SLC17A6: variants seen among roughly 807,000 people sequenced by gnomAD.
SLC17A6 encodes the protein vesicular glutamate transporter 2.
A neutral mutation model predicts 67.1 loss-of-function variants in SLC17A6; 35 were observed. The ratio of observed to expected loss-of-function variants is 0.52; its 90% CI spans 0.40 to 0.69. SLC17A6 has a LOEUF of 0.69. Ranked by LOEUF, SLC17A6 falls within the 30% of genes least tolerant of loss-of-function variation. The probability of loss-of-function intolerance (pLI) is 0.00; values close to 1 mark genes in which losing one functional copy is unlikely to be tolerated. For synonymous variants in SLC17A6, 285 were observed against 252.3 expected, an observed-to-expected ratio of 1.13 and a Z score of -1.23; for missense variants, 588 against 723.9, an observed-to-expected ratio of 0.81 and a Z score of 2.15.
intron 3 of SLC17A6, among the ~76,000 whole-genome samples, chr11:22,351,519 A>G (rs74892622): frequency 0.024 from 3,652 of 152,266 alleles, 58 homozygotes; most frequent in South Asian, 0.063. Context: ...TTTCCCCGAT[A>G]CACTAGATGG....
chr11:22,377,622 A>C lies in SLC17A6; in HGVS notation c.1631A>C (p.Tyr544Ser). The change falls in exon 12 of 12, where the codon TAT (tyrosine) becomes TCT (serine). Residue 544 changes from tyrosine (Y) to serine (S), a missense_variant. By Grantham distance (144) the Tyr-to-Ser change is moderately radical. This residue lies in a region of SLC17A6 where 414 missense variants were observed against 563.4 expected (regional missense o/e 0.73). Coordinates refer to ENST00000263160, the MANE Select transcript of SLC17A6 (RefSeq NM_020346.3). ...NYINYGTTKS[Y>S]GATTQANGGW... ...ATAAATTATGGTACCACCAAGTCTTATGGTGCCACAACACAGGCCAATGGA... is the reference window on the plus strand; with the variant it reads ...ATAAATTATGGTACCACCAAGTCTTCTGGTGCCACAACACAGGCCAATGGA... The C allele has an allele frequency of 6.2e-7, 1 of 1,614,154 alleles. No homozygotes were observed. Among genetic ancestry groups the C allele is most frequent in the Non-Finnish European group, 8.5e-7 (1 of 1,179,994 alleles).
chr11:22,346,554 C>A (rs865797269), intron 3 of SLC17A6, among the ~76,000 whole-genome samples: 1 of 151,884 alleles, frequency 6.6e-6, no homozygotes, highest in Non-Finnish European at 1.5e-5. Context: ...AATTTAGTCA[C>A]CTCCAGGAAA....
chr11:22,343,133 G>A, intron 2 of SLC17A6, 114 bp from the exon 3 acceptor site: 1 of 848,992 alleles, frequency 1.2e-6, no homozygotes, highest in Non-Finnish European at 2.0e-6. Context: ...CTTATCCCCA[G>A]AATGCATGAA....
chr11:22,354,528 A>G (rs1855976999), intron 3 of SLC17A6, among the ~76,000 whole-genome samples: 1 of 152,206 alleles, frequency 6.6e-6, no homozygotes, highest in Admixed American at 6.5e-5. Context: ...CATAAGAGAG[A>G]TGGGGTAGAA....
intron 7 of SLC17A6, among the ~76,000 whole-genome samples, chr11:22,366,667 G>A (rs780045841): frequency 3.3e-5 from 5 of 152,106 alleles, no homozygotes; most frequent in Non-Finnish European, 7.4e-5. Context: ...ATTGTACATA[G>A]TAATTAATAC....
intron 3 of SLC17A6, among the ~76,000 whole-genome samples, chr11:22,347,749 T>C (rs1396623044): frequency 2.0e-5 from 3 of 152,202 alleles, no homozygotes; most frequent in Non-Finnish European, 4.4e-5. Flanking sequence ...AAAATATTTT[T>C]AGCCAAGTGT....
chr11:22,341,518 TGCC>T lies in SLC17A6; in HGVS notation c.87-7_87-5del, dbSNP rs781291162. The T allele has an allele frequency of 6.2e-7, 1 of 1,611,846 alleles. No individual in the cohort carries two copies. Among genetic ancestry groups the T allele is most frequent in the South Asian group, 1.1e-5 (1 of 91,030 alleles). ...CCAAGTCCTTGACTCGCCCCTGCTC[TGCC>T]GCGCAGGGTGCTGGAGAAGAAGCAA... is the stretch of plus-strand genomic sequence containing the variant. On this transcript the variant is annotated splice_polypyrimidine_tract_variant and splice_region_variant and intron_variant, in intron 1 of 11. Transcript: ENST00000263160.
At chr11:22,359,232 T>A (rs570491180) in intron 3 of SLC17A6, among the ~76,000 whole-genome samples, 181 bp from the exon 4 acceptor site, 2 of 152,340 alleles carry the variant, frequency 1.3e-5, no homozygotes, top group African/African-American at 4.8e-5. Context: ...AGATGGCCCA[T>A]GTATATATTC....
intron 9 of SLC17A6, 51 bp downstream of exon 9, chr11:22,374,938 C>G (rs1244176329): frequency 1.3e-6 from 2 of 1,504,004 alleles, no homozygotes; most frequent in South Asian, 2.7e-5. Flanking sequence ...ATCAGTTTAA[C>G]CTACATGAGA....
chr11:22,344,971 T>C (rs1269791480), intron 3 of SLC17A6, among the ~76,000 whole-genome samples: 1 of 151,938 alleles, frequency 6.6e-6, no homozygotes, highest in Non-Finnish European at 1.5e-5. Context: ...ATGTTTTCAC[T>C]GCAGGAGAAA....
intron 1 of SLC17A6, among the ~76,000 whole-genome samples, chr11:22,341,099 T>C (rs757311987): frequency 1.3e-4 from 20 of 152,156 alleles, no homozygotes; most frequent in African/African-American, 3.6e-4. Flanking sequence ...ACCGCGGTAG[T>C]CAGGGTAAAG....
chr11:22,340,588 T>C (rs1367759262), intron 1 of SLC17A6, among the ~76,000 whole-genome samples: 1 of 152,188 alleles, frequency 6.6e-6, no homozygotes, highest in Non-Finnish European at 1.5e-5. Context: ...CCTTTGTATA[T>C]CTGGGAGTCG....
Position 22,365,627 on chromosome 11 carries a change from G to A in SLC17A6, c.829G>A (p.Glu277Lys), listed in dbSNP as rs1856103068. 1 of 1,613,824 alleles carries A rather than the reference G, an allele frequency of 6.2e-7. No homozygotes were observed. Among genetic ancestry groups the A allele is most frequent in the South Asian group, 1.1e-5 (1 of 91,068 alleles). The change falls in exon 7 of 12, where the codon GAA (glutamate) becomes AAA (lysine). Residue 277 changes from glutamate to lysine, a missense_variant. Glu to Lys is a moderately conservative substitution (Grantham distance 56, BLOSUM62 1). Transcript: ENST00000263160. ...SPAKHPTITD[E>K]ERRYIEESIG... Reference sequence around the variant, plus strand: ...TGCAAAGCATCCTACTATTACAGATGAAGAACGTAGGTACATAGAAGAAAG... The same window carrying A: ...TGCAAAGCATCCTACTATTACAGATAAAGAACGTAGGTACATAGAAGAAAG...
At chr11:22,360,525 T>G in intron 4 of SLC17A6, among the ~76,000 whole-genome samples, 2 of 117,930 alleles carry the variant, frequency 1.7e-5, no homozygotes, top group East Asian at 3.1e-4. Context: ...CCCGCTCTCC[T>G]TCCCCCCCCC....
At chr11:22,354,840 A>G (rs542385550) in intron 3 of SLC17A6, among the ~76,000 whole-genome samples, 26 of 152,336 alleles carry the variant, frequency 1.7e-4, no homozygotes, top group African/African-American at 4.8e-4. Context: ...ATTGTTGTTC[A>G]GTAAAAATGA....
chr11:22,360,415 C>A (rs1856038545), intron 4 of SLC17A6, among the ~76,000 whole-genome samples: 2 of 151,864 alleles, frequency 1.3e-5, no homozygotes, highest in African/African-American at 4.8e-5. Flanking sequence ...GTCCAGTAAA[C>A]CACCATGGCA....
intron 3 of SLC17A6, among the ~76,000 whole-genome samples, chr11:22,353,504 T>A (rs1590383585): frequency 6.6e-6 from 1 of 152,138 alleles, no homozygotes; most frequent in East Asian, 1.9e-4. Flanking sequence ...GAAATTGGAG[T>A]TGGAATTTGG....
intron 1 of SLC17A6, among the ~76,000 whole-genome samples, chr11:22,339,618 G>T (rs550288803): frequency 1.1e-3 from 160 of 152,082 alleles, no homozygotes; most frequent in African/African-American, 3.6e-3. Flanking sequence ...AGACATAAAA[G>T]GAAAAAGAAT....
In SLC17A6 at chr11:22,339,181, T is replaced by TTATATATATGTTATATATATATGTTTTA. The variant is rs1855782259; in HGVS notation, c.86+571_86+572insGTTATATATATATGTTTTATATATATAT. 6.0e-5 allele frequency among the ~76,000 whole-genome samples: 5 copies of TTATATATATGTTATATATATATGTTTTA among 82,810 alleles called. 1 individual carries two copies. The East Asian group carries it at 8.7e-4, about 14-fold the overall frequency. The allele number at this position is 82,810 out of a possible 152,430, so 54.3% of individuals were successfully genotyped here. On this transcript the variant is annotated intron_variant, in intron 1 of 11. Transcript: ENST00000263160. ...TATATATATGTTATATATATATGTT[T>TTATATATATGTTATATATATATGTTTTA]TATATATATATATATATATATATGT...
Sources: gnomAD v4.1 joint callset for allele counts (sites outside exome capture counted in the v4.1 genomes callset) on GRCh38, gnomAD v4.1.1 for gene constraint, gnomAD v4.1.1 regional missense constraint, MANE v1.5 for transcripts, NCBI Gene and HGNC (gene_info 2026-07-23, HGNC 2026-07-21) for gene names.